PIP5K1B: variants seen among roughly 807,000 people sequenced by gnomAD.
PIP5K1B encodes the protein phosphatidylinositol 4-phosphate 5-kinase type-1 beta.
Under a neutral mutation model 67.0 loss-of-function variants are expected in PIP5K1B, and 42 were observed. The ratio of observed to expected loss-of-function variants is 0.63; its 90% CI spans 0.49 to 0.81. The LOEUF (loss-of-function observed/expected upper bound fraction) is 0.81. Among genes scored for constraint, PIP5K1B ranks in the 30% least tolerant of loss-of-function variants. The pLI, the probability that PIP5K1B is intolerant of heterozygous loss-of-function variation, is 0.00. For missense variants in PIP5K1B, 459 were observed against 646.3 expected (o/e 0.71, Z 3.14); for synonymous variants, 214 against 231.4 (o/e 0.92, Z 0.68).
intron 15 of PIP5K1B, among the ~76,000 whole-genome samples, chr9:68,993,481 T>G (rs1461491166): frequency 2.0e-5 from 3 of 152,066 alleles, no homozygotes; most frequent in East Asian, 3.9e-4. Flanking sequence ...GTAAAAAGAT[T>G]TTTTCTCTGA....
chr9:68,934,286 G>T (rs553596688), intron 12 of PIP5K1B, among the ~76,000 whole-genome samples: 1 of 152,304 alleles, frequency 6.6e-6, no homozygotes, highest in South Asian at 2.1e-4. Flanking sequence ...TTTAGACAAA[G>T]ATTGGAAGTG....
intron 1 of PIP5K1B, among the ~76,000 whole-genome samples, chr9:68,708,788 C>G (rs747331819): frequency 1.5e-4 from 23 of 152,066 alleles, no homozygotes; most frequent in Non-Finnish European, 2.9e-4. Flanking sequence ...TACTCCTCCT[C>G]TTTATATACA....
intron 6 of PIP5K1B, among the ~76,000 whole-genome samples, chr9:68,888,221 A>G (rs934055254): frequency 6.6e-6 from 1 of 151,016 alleles, no homozygotes; most frequent in East Asian, 2.0e-4. Flanking sequence ...CTCGTCATCC[A>G]CCCGCCTCAG....
intron 2 of PIP5K1B, among the ~76,000 whole-genome samples, chr9:68,790,056 G>A (rs1364356985): frequency 6.6e-6 from 1 of 152,084 alleles, no homozygotes; most frequent in Non-Finnish European, 1.5e-5. Context: ...AAGACAACCA[G>A]TTTGACCCTT....
chr9:68,718,175 T>G (rs1399792336), intron 1 of PIP5K1B, among the ~76,000 whole-genome samples: 1 of 152,220 alleles, frequency 6.6e-6, no homozygotes, highest in East Asian at 1.9e-4. Context: ...TTGCAAAGTT[T>G]TATCAAGAAG....
At chr9:68,857,590 G>T (rs1313529911) in intron 4 of PIP5K1B, among the ~76,000 whole-genome samples, 1 of 152,208 alleles carries the variant, frequency 6.6e-6, no homozygotes, top group Non-Finnish European at 1.5e-5. Context: ...CGTGGACCAG[G>T]TGTGGCGGCT....
chr9:68,970,369 G>T (rs1829295538), intron 14 of PIP5K1B, among the ~76,000 whole-genome samples: 1 of 152,200 alleles, frequency 6.6e-6, no homozygotes, highest in South Asian at 2.1e-4. Flanking sequence ...TTGTGTACTT[G>T]TAACAGGATT....
At chr9:68,942,500 T>G (rs1328236270) in intron 14 of PIP5K1B, among the ~76,000 whole-genome samples, 1 of 152,130 alleles carries the variant, frequency 6.6e-6, no homozygotes, top group Non-Finnish European at 1.5e-5. Flanking sequence ...GTATCCAGTC[T>G]CTTGACCAGG....
intron 2 of PIP5K1B, among the ~76,000 whole-genome samples, chr9:68,802,262 G>C (rs548705485): frequency 6.6e-6 from 1 of 152,302 alleles, no homozygotes; most frequent in Admixed American, 6.5e-5. Flanking sequence ...GTGCTAAAAG[G>C]AGGAAGAAAA....
At chr9:68,722,648 A>C (rs1827946326) in intron 1 of PIP5K1B, among the ~76,000 whole-genome samples, 1 of 149,572 alleles carries the variant, frequency 6.7e-6, no homozygotes, top group Non-Finnish European at 1.5e-5. Context: ...AATTTTATTT[A>C]TTACCATGTA....
At chr9:68,709,702 A>C (rs1382330465) in intron 1 of PIP5K1B, among the ~76,000 whole-genome samples, 1 of 152,202 alleles carries the variant, frequency 6.6e-6, no homozygotes, top group Non-Finnish European at 1.5e-5. Context: ...ACTTGAGCCC[A>C]GGAGTTTGAG....
At chr9:68,952,806 TCTGCCTGC>T (rs199807963) in intron 14 of PIP5K1B, among the ~76,000 whole-genome samples, 8 of 151,424 alleles carry the variant, frequency 5.3e-5, no homozygotes, top group Non-Finnish European at 7.4e-5. Context: ...TGTCTGCCTG[TCTGCCTGC>T]CTGCCTGCCT....
intron 3 of PIP5K1B, among the ~76,000 whole-genome samples, chr9:68,820,741 C>A (rs1166459817): frequency 6.6e-6 from 1 of 152,124 alleles, no homozygotes; most frequent in East Asian, 1.9e-4. Flanking sequence ...TTATGGTTCC[C>A]TAATTATGAA....
At chr9:68,867,115 C>G (rs11144063) in intron 5 of PIP5K1B, among the ~76,000 whole-genome samples, 14,235 of 151,698 alleles carry the variant, frequency 0.094, 842 homozygotes, top group Non-Finnish European at 0.14. Context: ...ACTAAAAACA[C>G]CCCATGAAAA....
chr9:68,763,704 C>A lies in PIP5K1B; in HGVS notation c.-86+21047C>A, dbSNP rs147798378. 3.8e-3 allele frequency among the ~76,000 whole-genome samples: 575 copies of A among 152,240 alleles called. 1 individual carries two copies. Among genetic ancestry groups the A allele is most frequent in the African/African-American group, 0.013 (556 of 41,552 alleles). ...TGAATTGATGCATACTACTTGAAAT[C>A]ATTTAGAGAGACTGATGAAGAAAAA... On this transcript the variant is annotated intron_variant, in intron 2 of 15. Coordinates refer to ENST00000265382, the MANE Select transcript of PIP5K1B (RefSeq NM_003558.4).
At chr9:68,973,818 A>C (rs570477499) in intron 14 of PIP5K1B, among the ~76,000 whole-genome samples, 2 of 152,328 alleles carry the variant, frequency 1.3e-5, no homozygotes, top group East Asian at 3.9e-4. Flanking sequence ...CACTAGCACC[A>C]AGCCAGGAGG....
chr9:68,824,230 TC>T, intron 4 of PIP5K1B: 1 of 518,968 alleles, frequency 1.9e-6, no homozygotes, highest in Non-Finnish European at 3.8e-6. Context: ...GTATTCTCAA[TC>T]AGCATCAAGA....
At chr9:68,964,815 G>A (rs897824446) in intron 14 of PIP5K1B, among the ~76,000 whole-genome samples, 3 of 152,184 alleles carry the variant, frequency 2.0e-5, no homozygotes, top group African/African-American at 4.8e-5. Context: ...CCTTGTAAAC[G>A]CTGCAATTCT....
At chr9:68,959,551 T>G (rs1454770761) in intron 14 of PIP5K1B, among the ~76,000 whole-genome samples, 2 of 152,182 alleles carry the variant, frequency 1.3e-5, no homozygotes, top group Non-Finnish European at 2.9e-5. Context: ...TTCCAGTTTT[T>G]TTGTTCTCAC....
Sources: allele counts gnomAD v4.1 joint callset (sites outside exome capture counted in the v4.1 genomes callset), GRCh38; gene constraint gnomAD v4.1.1; transcripts MANE v1.5; gene names NCBI Gene and HGNC (gene_info 2026-07-23, HGNC 2026-07-21).